KSR1: variants seen among roughly 807,000 people sequenced by gnomAD.
The protein encoded by KSR1 is kinase suppressor of ras.
In KSR1, 35 loss-of-function variants were observed where a neutral mutation model predicts 92.9. The observed-to-expected ratio is 0.38, with a 90% confidence interval of 0.29 to 0.50. The LOEUF (loss-of-function observed/expected upper bound fraction) is 0.50, where lower values mean the gene tolerates loss of function less well. Among genes scored for constraint, KSR1 ranks in the 20% least tolerant of loss-of-function variants. The pLI is 0.94. For missense variants in KSR1, 972 were observed against 1,158.5 expected (o/e 0.84, Z 2.34); for synonymous variants, 467 against 472.6 (o/e 0.99, Z 0.15).
intron 1 of KSR1, among the ~76,000 whole-genome samples, chr17:27,513,180 T>G (rs537978525): frequency 4.6e-5 from 7 of 152,226 alleles, no homozygotes; most frequent in Non-Finnish European, 8.8e-5. Flanking sequence ...TCGTTGCATG[T>G]AGCTGTCATT....
chr17:27,623,140 G>T (rs1356088351), intron 20 of KSR1, 174 bp from the exon 21 acceptor site: 4 of 635,710 alleles, frequency 6.3e-6, no homozygotes, highest in Non-Finnish European at 1.1e-5. Context: ...GTGTAGCTGA[G>T]GCCTTGGACG....
chr17:27,532,936 T>C (rs1039405573), intron 1 of KSR1, among the ~76,000 whole-genome samples: 1 of 152,200 alleles, frequency 6.6e-6, no homozygotes, highest in Non-Finnish European at 1.5e-5. Context: ...CAGCCTCTTA[T>C]GAGTTTAAGT....
At chr17:27,504,583 C>A (rs1018715194) in intron 1 of KSR1, among the ~76,000 whole-genome samples, 2 of 152,124 alleles carry the variant, frequency 1.3e-5, no homozygotes, top group Admixed American at 6.5e-5. Context: ...AAGGGCTGGA[C>A]ATTTCTCACT....
intron 1 of KSR1, among the ~76,000 whole-genome samples, chr17:27,511,406 G>C (rs1458521163): frequency 6.6e-6 from 1 of 152,194 alleles, no homozygotes; most frequent in African/African-American, 2.4e-5. Context: ...ATTGAGGGCT[G>C]TCTGTACTTG....
Position 27,507,563 on chromosome 17 carries a change from C to CTTTTTT in KSR1, c.232-42980_232-42975dup, listed in dbSNP as rs751092460. 1.4e-4 allele frequency among the ~76,000 whole-genome samples: 6 copies of CTTTTTT among 43,324 alleles called. 3 individuals carry two copies. The highest frequency in any genetic ancestry group is 3.5e-4 in the African/African-American group (4 of 11,298). The allele number at this position is 43,324 out of a possible 152,430, so 28.4% of individuals were successfully genotyped here. On this transcript the variant is annotated intron_variant, in intron 1 of 20. Coordinates refer to ENST00000644974, the MANE Select transcript of KSR1 (RefSeq NM_001394583.1). ...GATCATTAAAATCTTTATTGTTTGG[C>CTTTTTT]TTTTTTTTTTTTTTTTTTTTTTTTT...
chr17:27,517,650 C>G (rs553990538), intron 1 of KSR1, among the ~76,000 whole-genome samples: 2 of 152,144 alleles, frequency 1.3e-5, no homozygotes, highest in Non-Finnish European at 2.9e-5. Context: ...TATTGAGTAC[C>G]GCTCCTGTGT....
At chr17:27,492,196 G>A (rs2068852833) in intron 1 of KSR1, among the ~76,000 whole-genome samples, 1 of 152,140 alleles carries the variant, frequency 6.6e-6, no homozygotes, top group African/African-American at 2.4e-5. Context: ...AATTCATGAA[G>A]GCTCTAGGAA....
intron 1 of KSR1, among the ~76,000 whole-genome samples, chr17:27,480,603 G>A (rs943643356): frequency 1.3e-5 from 2 of 152,060 alleles, no homozygotes; most frequent in African/African-American, 4.8e-5. Flanking sequence ...TCTTCATGTT[G>A]GCCAGACTGG....
chr17:27,467,944 T>C (rs1254855751), intron 1 of KSR1, among the ~76,000 whole-genome samples: 1 of 151,762 alleles, frequency 6.6e-6, no homozygotes, highest in Non-Finnish European at 1.5e-5. Context: ...CCCGAGTAGC[T>C]GGGACTACAG....
chr17:27,492,324 A>G (rs939114265), intron 1 of KSR1, among the ~76,000 whole-genome samples: 7 of 152,206 alleles, frequency 4.6e-5, no homozygotes, highest in African/African-American at 9.6e-5. Flanking sequence ...GGAGGAAGGC[A>G]GGAGTCTCCT....
chr17:27,497,352 G>A (rs184857845), intron 1 of KSR1, among the ~76,000 whole-genome samples: 7 of 152,308 alleles, frequency 4.6e-5, no homozygotes, highest in Admixed American at 6.5e-5. Flanking sequence ...TTCACTTGTC[G>A]GTACTGCAGT....
chr17:27,558,670 T>A (rs375651434), intron 2 of KSR1, among the ~76,000 whole-genome samples: 16 of 151,930 alleles, frequency 1.1e-4, no homozygotes, highest in East Asian at 5.8e-4. Flanking sequence ...ACAGGACTCT[T>A]TCAATATTTG....
intron 6 of KSR1, among the ~76,000 whole-genome samples, chr17:27,589,332 T>G (rs1408186162): frequency 6.6e-6 from 1 of 152,194 alleles, no homozygotes; most frequent in Non-Finnish European, 1.5e-5. Flanking sequence ...TCTCTTTCCC[T>G]TGTGCTCGGG....
intron 14 of KSR1, 129 bp from the exon 15 acceptor site, chr17:27,607,785 C>T: frequency 1.5e-6 from 1 of 684,222 alleles, no homozygotes; most frequent in Non-Finnish European, 2.6e-6. Context: ...GAAGATTTGG[C>T]TCACAGTCGA....
At chr17:27,585,141 T>TG (rs1046701590) in intron 4 of KSR1, among the ~76,000 whole-genome samples, 1 of 152,206 alleles carries the variant, frequency 6.6e-6, no homozygotes, top group Non-Finnish European at 1.5e-5. Context: ...TTCATCACCT[T>TG]GGCCAGGCTG....
chr17:27,526,810 G>A (rs904499933), intron 1 of KSR1: 48 of 933,840 alleles, frequency 5.1e-5, no homozygotes, highest in African/African-American at 2.3e-4. Flanking sequence ...GGGCCGTGGC[G>A]TGGTATTTGG....
intron 1 of KSR1, among the ~76,000 whole-genome samples, chr17:27,542,265 A>T (rs116748450): frequency 0.025 from 3,874 of 152,306 alleles, 148 homozygotes; most frequent in African/African-American, 0.088. Flanking sequence ...TATTGACATG[A>T]TTCTGTAACT....
intron 18 of KSR1, among the ~76,000 whole-genome samples, chr17:27,614,659 T>C (rs1192970861): frequency 1.3e-5 from 2 of 152,242 alleles, no homozygotes; most frequent in Non-Finnish European, 2.9e-5. Context: ...TTTTATTTTT[T>C]ATTTTTAAAT....
intron 12 of KSR1, among the ~76,000 whole-genome samples, 180 bp downstream of exon 12, chr17:27,604,068 A>C (rs1202699328): frequency 6.6e-6 from 1 of 152,110 alleles, no homozygotes; most frequent in Non-Finnish European, 1.5e-5. Context: ...GCCTCCTATC[A>C]GTGCGGTCAA....
Sources: gnomAD v4.1 joint callset for allele counts (sites outside exome capture counted in the v4.1 genomes callset) on GRCh38, gnomAD v4.1.1 for gene constraint, MANE v1.5 for transcripts, NCBI Gene and HGNC (gene_info 2026-07-23, HGNC 2026-07-21) for gene names.